NDUFA8: variants seen among roughly 807,000 people sequenced by gnomAD.
The protein encoded by NDUFA8 is NADH dehydrogenase [ubiquinone] 1 alpha subcomplex subunit 8.
Under a neutral mutation model 20.9 loss-of-function variants are expected in NDUFA8, and 16 were observed. The observed-to-expected ratio is 0.77, with a 90% CI of 0.52 to 1.16. The LOEUF (loss-of-function observed/expected upper bound fraction) is 1.16, where lower values mean the gene tolerates loss of function less well. Ranked by LOEUF, NDUFA8 falls within the 50% of genes most tolerant of loss-of-function variation. NDUFA8 has a pLI of 0.00. For missense variants in NDUFA8, 202 were observed against 216.4 expected, an observed-to-expected ratio of 0.93 and a Z score of 0.42; for synonymous variants, 70 against 76.1, an observed-to-expected ratio of 0.92 and a Z score of 0.41.
intron 3 of NDUFA8, among the ~76,000 whole-genome samples, 180 bp downstream of exon 3, chr9:122,147,932 A>C (rs985606816): frequency 1.3e-5 from 2 of 152,106 alleles, no homozygotes; most frequent in Non-Finnish European, 2.9e-5. Context: ...AGCCAGAAAT[A>C]TTTCTATTTT....
At chr9:122,135,848 C>T in the NDUFA8 span, among the ~76,000 whole-genome samples, 51 of 152,238 alleles carry the variant, frequency 3.4e-4, no homozygotes, top group Middle Eastern at 6.8e-3. Context: ...CTTGGCCTTC[C>T]GAAGTGCTGG....
downstream of NDUFA8, chr9:122,143,931 C>A: frequency 1.7e-6 from 1 of 573,396 alleles, no homozygotes; most frequent in Non-Finnish European, 2.7e-6. Context: ...TAACAGGGAT[C>A]CCCAGCCACA....
Position 122,144,081 on chromosome 9 carries a change from C to T in NDUFA8, c.*160G>A, listed in dbSNP as rs1588290395. The T allele has an allele frequency of 6.7e-7, 1 of 1,482,944 alleles. No individual in the cohort carries two copies. Among genetic ancestry groups the T allele is most frequent in the African/African-American group, 1.4e-5 (1 of 70,578 alleles). The allele number at this position is 1,482,944 out of a possible 1,614,324, so 91.9% of individuals were successfully genotyped here. On this transcript the variant is annotated 3_prime_UTR_variant, in exon 4 of 4. Coordinates refer to ENST00000373768, the MANE Select transcript of NDUFA8 (RefSeq NM_014222.3). ...CGTTTCCTTTAAAAATTTTAATGGA[C>T]AGGAAATGGTATAGAATAACTGCCA...
intron 1 of NDUFA8, among the ~76,000 whole-genome samples, chr9:122,157,783 T>C (rs1829096443): frequency 6.6e-6 from 1 of 152,200 alleles, no homozygotes; most frequent in African/African-American, 2.4e-5. Flanking sequence ...ACATAGCTAA[T>C]AATTTCTTCC....
chr9:122,155,306 T>C (rs958662146), intron 1 of NDUFA8, among the ~76,000 whole-genome samples: 3 of 152,252 alleles, frequency 2.0e-5, no homozygotes, highest in Non-Finnish European at 4.4e-5. Flanking sequence ...CTCAAACTCC[T>C]GACCTCAGAT....
intron 3 of NDUFA8, among the ~76,000 whole-genome samples, chr9:122,147,668 G>A (rs1225972745): frequency 7.5e-6 from 1 of 133,434 alleles, no homozygotes; most frequent in Non-Finnish European, 1.5e-5. Flanking sequence ...TGTTGCCCAG[G>A]TTGGAGTGGA....
At chr9:122,142,604 A>G (rs1828839402), downstream of NDUFA8, among the ~76,000 whole-genome samples, 1 of 152,156 alleles carries the variant, frequency 6.6e-6, no homozygotes, top group Non-Finnish European at 1.5e-5. Context: ...CTTCTTATAT[A>G]TGAGACTGGG....
At chr9:122,158,809 G>A (rs1013541320) in intron 1 of NDUFA8, among the ~76,000 whole-genome samples, 4 of 148,058 alleles carry the variant, frequency 2.7e-5, no homozygotes, top group African/African-American at 5.0e-5. Flanking sequence ...GTATGTGTGT[G>A]TATATATATA....
intron 2 of NDUFA8, among the ~76,000 whole-genome samples, chr9:122,150,535 T>C (rs952341731): frequency 6.7e-6 from 1 of 149,534 alleles, no homozygotes; most frequent in African/African-American, 2.5e-5. Context: ...CTGATGAAAA[T>C]GATCTATACG....
the NDUFA8 span, among the ~76,000 whole-genome samples, chr9:122,138,208 G>C: frequency 6.6e-6 from 1 of 152,160 alleles, no homozygotes; most frequent in Non-Finnish European, 1.5e-5. Flanking sequence ...TTAAAACAAG[G>C]CTTCCAGAAA....
At chr9:122,156,871 T>C (rs1181591105) in intron 1 of NDUFA8, among the ~76,000 whole-genome samples, 1 of 152,236 alleles carries the variant, frequency 6.6e-6, no homozygotes, top group Admixed American at 6.5e-5. Context: ...TCTTTCTCAA[T>C]AATTTTAAGA....
chr9:122,150,687 C>T (rs551572729), intron 2 of NDUFA8, among the ~76,000 whole-genome samples: 6 of 151,796 alleles, frequency 4.0e-5, no homozygotes, highest in African/African-American at 7.2e-5. Flanking sequence ...ATGATGATCA[C>T]GGCCAGGTGC....
At chr9:122,158,587 G>A (rs764044543) in intron 1 of NDUFA8, among the ~76,000 whole-genome samples, 3 of 151,770 alleles carry the variant, frequency 2.0e-5, no homozygotes, top group Non-Finnish European at 4.4e-5. Context: ...TACGAGCTCC[G>A]TGACCTTGGG....
At chr9:122,140,621 A>T (rs530627485), downstream of NDUFA8, among the ~76,000 whole-genome samples, 1 of 152,366 alleles carries the variant, frequency 6.6e-6, no homozygotes, top group Non-Finnish European at 1.5e-5. Flanking sequence ...GAAATAAGAT[A>T]GAAGTCCAAC....
chr9:122,133,880 G>T, the NDUFA8 span, among the ~76,000 whole-genome samples: 1 of 152,220 alleles, frequency 6.6e-6, no homozygotes, highest in Admixed American at 6.5e-5. Flanking sequence ...CCAGGAAGGG[G>T]CTGGTGCCCT....
At chr9:122,145,663 A>G (rs1400522924) in intron 3 of NDUFA8, among the ~76,000 whole-genome samples, 1 of 152,228 alleles carries the variant, frequency 6.6e-6, no homozygotes, top group African/African-American at 2.4e-5. Flanking sequence ...GATGAAGACC[A>G]GGGAGGTTGG....
the NDUFA8 span, among the ~76,000 whole-genome samples, chr9:122,135,840 T>C: frequency 6.6e-6 from 1 of 152,182 alleles, no homozygotes; most frequent in African/African-American, 2.4e-5. Context: ...CCTCCCACCT[T>C]GGCCTTCCGA....
intron 1 of NDUFA8, among the ~76,000 whole-genome samples, chr9:122,155,697 C>T (rs1829067500): frequency 6.6e-6 from 1 of 152,138 alleles, no homozygotes; most frequent in Non-Finnish European, 1.5e-5. Context: ...TAAAAACTAA[C>T]ACTCAAACTT....
chr9:122,147,325 T>C (rs1828918508), intron 3 of NDUFA8, among the ~76,000 whole-genome samples: 1 of 152,186 alleles, frequency 6.6e-6, no homozygotes, highest in African/African-American at 2.4e-5. Context: ...TTCAGGTTTC[T>C]AGCTCTGATG....
Sources: allele counts gnomAD v4.1 joint callset (sites outside exome capture counted in the v4.1 genomes callset), GRCh38; gene constraint gnomAD v4.1.1; transcripts MANE v1.5; gene names NCBI Gene and HGNC (gene_info 2026-07-23, HGNC 2026-07-21).